The following CDK14 variants were observed in gnomAD, a reference collection of about 807,000 sequenced individuals.
CDK14 encodes the protein cyclin dependent kinase 14, also known as cyclin-dependent kinase 14.
Under a neutral mutation model 60.7 loss-of-function variants are expected in CDK14, and 34 were observed. That is an observed-to-expected ratio of 0.56 (90% CI 0.43 to 0.75). The LOEUF is 0.75. Among genes scored for constraint, CDK14 ranks in the 30% least tolerant of loss-of-function variants. The pLI, the probability that CDK14 is intolerant of heterozygous loss-of-function variation, is 0.00. For synonymous variants in CDK14, 197 were observed against 203.7 expected, an observed-to-expected ratio of 0.97 and a Z score of 0.28; for missense variants, 482 against 564.1, an observed-to-expected ratio of 0.85 and a Z score of 1.47.
intron 10 of CDK14, among the ~76,000 whole-genome samples, chr7:91,000,655 A>G (rs932751533): frequency 6.6e-6 from 1 of 152,214 alleles, no homozygotes; most frequent in Non-Finnish European, 1.5e-5. Flanking sequence ...CTGTGACAAT[A>G]TGTAGGACAA....
intron 10 of CDK14, among the ~76,000 whole-genome samples, chr7:91,004,026 T>C (rs918267424): frequency 2.6e-5 from 4 of 152,112 alleles, no homozygotes; most frequent in African/African-American, 9.7e-5. Flanking sequence ...TAGAGGGAAA[T>C]GTATAGCATT....
At position 90,601,922 on chromosome 7, in the gene CDK14, T is replaced by TTATGTATGTATGTATG. The variant is rs66873680; in HGVS notation, c.92-2258_92-2243dup. ...GCACCACCACCACGCTTGGCTAATTTTATGTATGTATGTATGTATGTATGT... is the reference window on the plus strand; with the variant it reads ...GCACCACCACCACGCTTGGCTAATTTTATGTATGTATGTATGTATGTATGTATGTATGTATGTATGT... On this transcript the variant is annotated intron_variant, in intron 1 of 14. Transcript: ENST00000380050. Among the ~76,000 whole-genome samples the TTATGTATGTATGTATG allele has an allele frequency of 1.3e-3, 186 of 143,382 alleles. 2 individuals are homozygous for TTATGTATGTATGTATG. Among genetic ancestry groups the TTATGTATGTATGTATG allele is most frequent in the Admixed American group, 3.9e-3 (56 of 14,278 alleles). 94.1% of individuals were successfully genotyped at this position (143,382 alleles called of 152,430 possible).
At chr7:90,597,090 G>C (rs557877504) in intron 1 of CDK14, 1 of 219,164 alleles carries the variant, frequency 4.6e-6, no homozygotes, top group African/African-American at 2.3e-5. Flanking sequence ...CACAGGCTTG[G>C]ATATTGGGCG....
chr7:90,874,503 CTTTTTTTTTTTTTTTTTTTTT>C (rs747439482), intron 6 of CDK14, among the ~76,000 whole-genome samples: 17 of 47,968 alleles, frequency 3.5e-4, no homozygotes, highest in South Asian at 1.3e-3. Flanking sequence ...TCCTTTCATC[CTTTTTTTTTTTTTTTTTTTTT>C]TTTTTTTTTT....
chr7:90,782,755 C>G (rs555356768), intron 4 of CDK14, among the ~76,000 whole-genome samples: 1 of 152,204 alleles, frequency 6.6e-6, no homozygotes, highest in East Asian at 1.9e-4. Flanking sequence ...CTAGTTTAGT[C>G]TTTGTGGATT....
At chr7:90,835,537 G>A (rs1790065728) in intron 5 of CDK14, among the ~76,000 whole-genome samples, 1 of 152,142 alleles carries the variant, frequency 6.6e-6, no homozygotes, top group African/African-American at 2.4e-5. Context: ...GACAATGATA[G>A]TGAAAATCAA....
chr7:90,863,943 G>A (rs371264131), intron 6 of CDK14, among the ~76,000 whole-genome samples: 1 of 152,034 alleles, frequency 6.6e-6, no homozygotes, highest in Non-Finnish European at 1.5e-5. Flanking sequence ...ATCGTGAAAT[G>A]TAACTATGAT....
At chr7:91,056,640 T>C (rs1797574747) in intron 11 of CDK14, among the ~76,000 whole-genome samples, 3 of 149,108 alleles carry the variant, frequency 2.0e-5, no homozygotes, top group African/African-American at 7.4e-5. Context: ...TTCCCACCTA[T>C]GAGTGAGAAC....
intron 8 of CDK14, among the ~76,000 whole-genome samples, chr7:90,922,044 A>G (rs966112393): frequency 2.6e-5 from 4 of 152,212 alleles, no homozygotes; most frequent in African/African-American, 9.6e-5. Flanking sequence ...GATGCAGAGT[A>G]GTGTGTCTGT....
At chr7:90,649,359 T>TC (rs1563030023) in intron 2 of CDK14, among the ~76,000 whole-genome samples, 1 of 42,908 alleles carries the variant, frequency 2.3e-5, no homozygotes, top group Non-Finnish European at 3.9e-5. Context: ...CTTCCTTCCT[T>TC]CCTTCCTTTC....
intron 14 of CDK14, among the ~76,000 whole-genome samples, chr7:91,185,676 T>C (rs1420714195): frequency 2.0e-5 from 3 of 151,966 alleles, no homozygotes; most frequent in Admixed American, 6.6e-5. Context: ...TTTGTTGAGA[T>C]ATTACCACAT....
chr7:90,957,609 C>T (rs993126665), intron 9 of CDK14, among the ~76,000 whole-genome samples: 50 of 151,932 alleles, frequency 3.3e-4, no homozygotes, highest in African/African-American at 1.2e-3. Context: ...ACAATTGCTT[C>T]AAAGAGAATA....
chr7:90,784,814 T>C (rs1323719877), intron 4 of CDK14, among the ~76,000 whole-genome samples: 1 of 152,226 alleles, frequency 6.6e-6, no homozygotes, highest in Non-Finnish European at 1.5e-5. Context: ...AACAATGTCA[T>C]GAATATTTAG....
At chr7:90,950,319 G>A (rs1375138746) in intron 8 of CDK14, among the ~76,000 whole-genome samples, 1 of 152,100 alleles carries the variant, frequency 6.6e-6, no homozygotes, top group African/African-American at 2.4e-5. Context: ...TGACCCACCT[G>A]CCTTGGCTTC....
intron 11 of CDK14, among the ~76,000 whole-genome samples, chr7:91,055,722 G>A (rs1451836866): frequency 6.6e-6 from 1 of 152,082 alleles, no homozygotes; most frequent in East Asian, 1.9e-4. Context: ...CTTGTATACT[G>A]TCCAATTTGT....
At chr7:90,867,020 G>T (rs1284760138) in intron 6 of CDK14, among the ~76,000 whole-genome samples, 1 of 152,120 alleles carries the variant, frequency 6.6e-6, no homozygotes, top group Non-Finnish European at 1.5e-5. Context: ...TGCTCATGTT[G>T]CTATTGGGTA....
At chr7:90,940,895 G>A (rs1162114330) in intron 8 of CDK14, among the ~76,000 whole-genome samples, 1 of 151,992 alleles carries the variant, frequency 6.6e-6, no homozygotes, top group Non-Finnish European at 1.5e-5. Flanking sequence ...GAATAAAGTT[G>A]CCACTGGTCA....
At chr7:91,058,872 T>G (rs1156676751) in intron 11 of CDK14, among the ~76,000 whole-genome samples, 1 of 152,202 alleles carries the variant, frequency 6.6e-6, no homozygotes, top group African/African-American at 2.4e-5. Context: ...TCTCTTTTTT[T>G]GTTGTGTCTC....
At chr7:90,768,319 TTC>T (rs1179432579) in intron 4 of CDK14, among the ~76,000 whole-genome samples, 3 of 152,262 alleles carry the variant, frequency 2.0e-5, no homozygotes, top group African/African-American at 7.2e-5. Flanking sequence ...ATAGTTATGT[TTC>T]TCTTTCTACT....
Sources: gnomAD v4.1 joint callset for allele counts (sites outside exome capture counted in the v4.1 genomes callset) on GRCh38, gnomAD v4.1.1 for gene constraint, MANE v1.5 for transcripts, NCBI Gene and HGNC (gene_info 2026-07-23, HGNC 2026-07-21) for gene names.